Variants in ANXA8 observed in about 807,000 individuals in gnomAD.
ANXA8 encodes annexin A8.
In ANXA8, 9 loss-of-function variants were observed where a neutral mutation model predicts 26.8. That is an observed-to-expected ratio of 0.34 (90% CI 0.20 to 0.59). The LOEUF is 0.59. Among genes scored for constraint, ANXA8 ranks in the 20% least tolerant of loss-of-function variants. The pLI is 0.84. For missense variants in ANXA8, 83 were observed against 238.5 expected (o/e 0.35, Z 4.29); for synonymous variants, 39 against 94.8 (o/e 0.41, Z 3.42).
chr10:47,498,135 C>G, the ANXA8 span, among the ~76,000 whole-genome samples: 1 of 150,034 alleles, frequency 6.7e-6, no homozygotes, highest in Non-Finnish European at 1.5e-5. Flanking sequence ...TCTATATCCA[C>G]TAAGCAACTT....
At chr10:47,761,707 C>CCCAG in the ANXA8 span, 1 of 1,485,540 alleles carries the variant, frequency 6.7e-7, no homozygotes, top group Non-Finnish European at 9.0e-7. Context: ...CCCTCACAGC[C>CCCAG]CTGGCCTGCT....
chr10:47,591,912 TG>T, the ANXA8 span, among the ~76,000 whole-genome samples: 1 of 85,138 alleles, frequency 1.2e-5, no homozygotes, highest in Admixed American at 1.4e-4. Flanking sequence ...ATTTGGAGAA[TG>T]GCAGATGGCC....
the ANXA8 span, among the ~76,000 whole-genome samples, chr10:47,733,143 ATCTTTCTTTCT>A: frequency 7.1e-5 from 7 of 98,138 alleles, no homozygotes; most frequent in African/African-American, 1.9e-4. Flanking sequence ...CAACTCCCTA[ATCTTTCTTTCT>A]TTCTTTCTTT....
At chr10:47,502,393 G>A in the ANXA8 span, 1 of 1,610,010 alleles carries the variant, frequency 6.2e-7, no homozygotes, top group Non-Finnish European at 8.5e-7. Flanking sequence ...GCAGGGTAGT[G>A]GGGCCAGAAA....
the ANXA8 span, among the ~76,000 whole-genome samples, chr10:47,645,240 G>A: frequency 2.5e-4 from 37 of 147,438 alleles, no homozygotes; most frequent in Non-Finnish European, 4.3e-4. Flanking sequence ...GCTTATGAAA[G>A]CCCACTTTAT....
At chr10:47,941,646 GA>G in the ANXA8 span, among the ~76,000 whole-genome samples, 12 of 140,528 alleles carry the variant, frequency 8.5e-5, no homozygotes, top group Admixed American at 1.4e-4. Flanking sequence ...CTCAAAAAAA[GA>G]AAAAAAAAAC....
At chr10:47,621,098 G>T in the ANXA8 span, among the ~76,000 whole-genome samples, 1 of 100,078 alleles carries the variant, frequency 1.0e-5, no homozygotes, top group African/African-American at 4.0e-5. Flanking sequence ...TCCTTTCTTT[G>T]CCCATGCACA....
the ANXA8 span, among the ~76,000 whole-genome samples, chr10:47,932,732 G>GTCTCTCTC: frequency 1.7e-3 from 151 of 86,424 alleles, 22 homozygotes; most frequent in Admixed American, 2.8e-3. Context: ...CTGTCTTTCT[G>GTCTCTCTC]TCTCTCTCTC....
At chr10:47,952,867 T>C in the ANXA8 span, among the ~76,000 whole-genome samples, 1 of 148,616 alleles carries the variant, frequency 6.7e-6, no homozygotes, top group South Asian at 2.1e-4. Flanking sequence ...GTTACCAAAG[T>C]AATTTGATGG....
At chr10:47,777,496 A>G in the ANXA8 span, among the ~76,000 whole-genome samples, 1 of 152,150 alleles carries the variant, frequency 6.6e-6, no homozygotes, top group Non-Finnish European at 1.5e-5. Flanking sequence ...GAACCCTTAC[A>G]TACATTGCCT....
chr10:47,715,317 G>A, the ANXA8 span, among the ~76,000 whole-genome samples: 1 of 96,534 alleles, frequency 1.0e-5, no homozygotes, highest in Non-Finnish European at 2.1e-5. Context: ...GTGGTGGCAC[G>A]CACCTGTAAT....
At chr10:47,703,880 A>AT in the ANXA8 span, among the ~76,000 whole-genome samples, 153 of 147,034 alleles carry the variant, frequency 1.0e-3, no homozygotes, top group African/African-American at 3.4e-3. Context: ...GATCCACCAT[A>AT]TTTTTTGTGG....
At chr10:47,899,177 T>C in the ANXA8 span, among the ~76,000 whole-genome samples, 1 of 149,328 alleles carries the variant, frequency 6.7e-6, no homozygotes, top group Non-Finnish European at 1.5e-5. Flanking sequence ...CAAATAATCA[T>C]ATTGCCATAA....
At chr10:47,603,402 T>A in the ANXA8 span, among the ~76,000 whole-genome samples, 2 of 149,988 alleles carry the variant, frequency 1.3e-5, no homozygotes, top group African/African-American at 5.1e-5. Flanking sequence ...AACAAACAGA[T>A]AACCGATTTT....
At chr10:47,653,124 C>T in the ANXA8 span, among the ~76,000 whole-genome samples, 2 of 150,634 alleles carry the variant, frequency 1.3e-5, no homozygotes, top group Admixed American at 6.6e-5. Flanking sequence ...CCAGCCTGGC[C>T]GACATGGTGA....
At chr10:47,503,857 A>G in the ANXA8 span, among the ~76,000 whole-genome samples, 1 of 107,604 alleles carries the variant, frequency 9.3e-6, no homozygotes, top group Non-Finnish European at 1.8e-5. Flanking sequence ...TTGCTTGAAC[A>G]GGGACCTGGG....
chr10:47,529,102 C>T, the ANXA8 span, among the ~76,000 whole-genome samples: 1 of 144,646 alleles, frequency 6.9e-6, no homozygotes. Flanking sequence ...AAGAAACTAA[C>T]ATGCTATGCC....
chr10:47,755,667 C>A, the ANXA8 span, among the ~76,000 whole-genome samples: 1 of 146,128 alleles, frequency 6.8e-6, no homozygotes. Flanking sequence ...TGTGCCACCA[C>A]GCCCAGCTAA....
chr10:47,658,838 T>C, the ANXA8 span, among the ~76,000 whole-genome samples: 3 of 134,684 alleles, frequency 2.2e-5, no homozygotes, highest in Admixed American at 7.1e-5. Flanking sequence ...TTGAGGTTTT[T>C]ATTTATTTAT....
Sources: gnomAD v4.1 joint callset for allele counts (sites outside exome capture counted in the v4.1 genomes callset) on GRCh38, gnomAD v4.1.1 for gene constraint, MANE v1.5 for transcripts, NCBI Gene and HGNC (gene_info 2026-07-23, HGNC 2026-07-21) for gene names.